The following NCOR2 variants were observed in gnomAD, a reference collection of about 807,000 sequenced individuals.
NCOR2 encodes nuclear receptor corepressor 2.
A neutral mutation model predicts 262.9 loss-of-function variants in NCOR2; 81 were observed. The observed-to-expected ratio is 0.31, with a 90% CI of 0.26 to 0.37. The LOEUF (loss-of-function observed/expected upper bound fraction) is 0.37. Among genes scored for constraint, NCOR2 ranks in the 10% least tolerant of loss-of-function variants. The probability of loss-of-function intolerance (pLI) is 1.00; values close to 1 mark genes in which losing one functional copy is unlikely to be tolerated. For synonymous variants in NCOR2, 1,659 were observed against 1,559.3 expected (o/e 1.06, Z -1.51); for missense variants, 3,385 against 3,621.4 (o/e 0.93, Z 1.68).
chr12:124,358,178 G>C (rs1437531660), intron 22 of NCOR2, among the ~76,000 whole-genome samples: 1 of 149,916 alleles, frequency 6.7e-6, no homozygotes, highest in Non-Finnish European at 1.5e-5. Flanking sequence ...CAATGTTGAA[G>C]GAGATAACCT....
chr12:124,485,933 T>C (rs1169707486), intron 2 of NCOR2, among the ~76,000 whole-genome samples: 1 of 150,954 alleles, frequency 6.6e-6, no homozygotes, highest in African/African-American at 2.4e-5. Flanking sequence ...CCCCTTGCTG[T>C]AGTCCCTCCA....
chr12:124,396,690 C>CT (rs2041680874), intron 16 of NCOR2, among the ~76,000 whole-genome samples: 1 of 152,124 alleles, frequency 6.6e-6, no homozygotes, highest in Admixed American at 6.5e-5. Flanking sequence ...GGAGGGCAGA[C>CT]TGCCCCCGGA....
intron 19 of NCOR2, among the ~76,000 whole-genome samples, chr12:124,373,744 A>G (rs865836569): frequency 0.013 from 211 of 16,020 alleles, 3 homozygotes; most frequent in Middle Eastern, 0.14. Context: ...CCCCGGGCAC[A>G]GTGGACAATC....
chr12:124,387,765 G>A (rs1427107787), intron 16 of NCOR2, among the ~76,000 whole-genome samples: 11 of 152,244 alleles, frequency 7.2e-5, no homozygotes, highest in East Asian at 1.9e-4. Context: ...GGACAGGGCC[G>A]CGCGTTTATT....
rs538114407 is a variant in NCOR2 at position 124,526,352 on chromosome 12, C to T, written c.-118+9213G>A. Among the ~76,000 whole-genome samples, 6 of 152,344 alleles carry T rather than the reference C, an allele frequency of 3.9e-5. 1 individual carries two copies. The South Asian group carries it at 1.2e-3, about 32-fold the overall frequency. On this transcript the variant is annotated intron_variant, in intron 1 of 46. Coordinates refer to the NCOR2 transcript ENST00000404621. ...CCAAGCCACGGCCCAGCAACGCAGGCCCTGTCCGGCTGCACAAGTACACCC... is the reference window on the plus strand; with the variant it reads ...CCAAGCCACGGCCCAGCAACGCAGGTCCTGTCCGGCTGCACAAGTACACCC...
At chr12:124,540,038 C>T (rs1164992087), upstream of NCOR2, among the ~76,000 whole-genome samples, 1 of 152,070 alleles carries the variant, frequency 6.6e-6, no homozygotes, top group African/African-American at 2.4e-5. Context: ...GGGGACAGAC[C>T]CCCTGTTACC....
At chr12:124,484,408 T>C (rs114779273) in intron 2 of NCOR2, among the ~76,000 whole-genome samples, 4,111 of 152,294 alleles carry the variant, frequency 0.027, 109 homozygotes, top group African/African-American at 0.07. Flanking sequence ...AGAGAGGGCA[T>C]GGCCTTGCCT....
chr12:124,546,428 T>A (rs2051547006), intron 1 of NCOR2, among the ~76,000 whole-genome samples: 1 of 152,224 alleles, frequency 6.6e-6, no homozygotes, highest in Non-Finnish European at 1.5e-5. Context: ...TTTGTTTTGT[T>A]TTGTTTTTCT....
intron 13 of NCOR2, among the ~76,000 whole-genome samples, chr12:124,402,848 C>G (rs1221900870): frequency 6.6e-6 from 1 of 152,178 alleles, no homozygotes; most frequent in Non-Finnish European, 1.5e-5. Flanking sequence ...GCCCTTTCCA[C>G]ACAGTGGCTG....
exon 41 of NCOR2, chr12:124,334,455 G>A (rs546690978): frequency 2.8e-5 from 42 of 1,496,660 alleles, no homozygotes; most frequent in South Asian, 7.9e-5. Flanking sequence ...GGGGAGCCAC[G>A]GGCCGGGGCA....
rs58447372 is a variant in NCOR2 at position 124,549,156 on chromosome 12, T to C, written c.-164-13545A>G. Among the ~76,000 whole-genome samples the C allele has an allele frequency of 0.036, 5,515 of 152,162 alleles. 348 individuals carry two copies. The highest frequency in any genetic ancestry group is 0.12 in the African/African-American group (5,139 of 41,488). On this transcript the variant is annotated intron_variant, in intron 1 of 32. Coordinates refer to the NCOR2 transcript ENST00000458234. The surrounding 1 kb of genome is among the most constrained non-coding windows in gnomAD (Gnocchi z 4.4). Reference sequence around the variant, plus strand: ...GCCAGGGAGCTAACCTCTCTGAGCCTTCGCTGCTTGCCTGGCAATGATGAT... The same window carrying C: ...GCCAGGGAGCTAACCTCTCTGAGCCCTCGCTGCTTGCCTGGCAATGATGAT...
At position 124,482,651 on chromosome 12, in the gene NCOR2, G is replaced by A. The variant is rs2047557882; in HGVS notation, c.411+945C>T. 6.6e-6 allele frequency among the ~76,000 whole-genome samples: 1 copy of A among 152,194 alleles called. No homozygotes were observed. Among genetic ancestry groups the A allele is most frequent in the African/African-American group, 2.4e-5 (1 of 41,446 alleles). Reference sequence around the variant, plus strand: ...GCACAGCTGTGGAGGTGGGGGTGGTGGAAATCGCACCTGGGTCACCTGAGG... The same window carrying A: ...GCACAGCTGTGGAGGTGGGGGTGGTAGAAATCGCACCTGGGTCACCTGAGG... On this transcript the variant is annotated intron_variant, in intron 3 of 46. Coordinates refer to ENST00000405201, the Ensembl canonical transcript of NCOR2. This position sits in a 1 kb window ranked among gnomAD's most constrained non-coding sequence, Gnocchi z 6.3.
chr12:124,363,622 G>A, intron 21 of NCOR2, 57 bp downstream of exon 23: 1 of 1,312,408 alleles, frequency 7.6e-7, no homozygotes, highest in Non-Finnish European at 9.8e-7. Context: ...CTGTCTCAAT[G>A]AATGGGAAAG....
At chr12:124,434,284 C>T (rs2044203644) in intron 8 of NCOR2, among the ~76,000 whole-genome samples, 1 of 152,170 alleles carries the variant, frequency 6.6e-6, no homozygotes, top group Non-Finnish European at 1.5e-5. Flanking sequence ...CCCCCCTCCC[C>T]AGGCCTTACT....
intron 45 of NCOR2, among the ~76,000 whole-genome samples, chr12:124,327,122 C>T (rs7964504): frequency 0.032 from 4,937 of 151,970 alleles, 263 homozygotes; most frequent in African/African-American, 0.11. Context: ...GGGAGGAAGG[C>T]GGGAGGACTG....
chr12:124,462,172 C>G (rs1313534654), intron 5 of NCOR2, among the ~76,000 whole-genome samples: 1 of 152,206 alleles, frequency 6.6e-6, no homozygotes, highest in Non-Finnish European at 1.5e-5. Context: ...CACGTGTACC[C>G]ACAGGCACAC....
At position 124,566,864 on chromosome 12, in the gene NCOR2, G is replaced by A. The variant is rs1319504690; in HGVS notation, c.-165+444C>T. Among the ~76,000 whole-genome samples, 4 of 152,198 alleles carry A rather than the reference G, an allele frequency of 2.6e-5. No homozygotes were observed. Among genetic ancestry groups the A allele is most frequent in the Non-Finnish European group, 4.4e-5 (3 of 68,006 alleles). ...GCCCCTCCACAACAGCCAGGCCAGG[G>A]AGCTAGGGGTACCATCTCCAAGGGC... On this transcript the variant is annotated intron_variant, in intron 1 of 32. Transcript: ENST00000458234. This position sits in a 1 kb window ranked among gnomAD's most constrained non-coding sequence, Gnocchi z 4.3.
intron 28 of NCOR2, 36 bp from the exon 31 acceptor site, chr12:124,348,350 G>A: frequency 1.3e-6 from 2 of 1,572,776 alleles, no homozygotes; most frequent in South Asian, 1.2e-5. Flanking sequence ...GAGGAGCTGG[G>A]CACGGGCCCA....
At chr12:124,402,744 C>G (rs972860331) in intron 13 of NCOR2, among the ~76,000 whole-genome samples, 183 bp from the exon 16 acceptor site, 3 of 152,084 alleles carry the variant, frequency 2.0e-5, no homozygotes, top group Non-Finnish European at 2.9e-5. Flanking sequence ...GGGAGAGGCA[C>G]GGCCTGGGGT....
Sources: allele counts gnomAD v4.1 joint callset (sites outside exome capture counted in the v4.1 genomes callset), GRCh38; gene constraint gnomAD v4.1.1; non-coding constraint Gnocchi (gnomAD v3.1); transcripts MANE v1.5; gene names NCBI Gene and HGNC (gene_info 2026-07-23, HGNC 2026-07-21).